The following KLHL1 variants were observed in gnomAD, a reference collection of about 807,000 sequenced individuals.
KLHL1 encodes kelch-like protein 1.
Under a neutral mutation model 77.7 loss-of-function variants are expected in KLHL1, and 47 were observed. That is an observed-to-expected ratio of 0.60 (90% CI 0.48 to 0.77). The LOEUF (loss-of-function observed/expected upper bound fraction) is 0.77. KLHL1 is among the 30% of genes least tolerant of loss of function. The probability of loss-of-function intolerance (pLI) is 0.00; values close to 1 mark genes in which losing one functional copy is unlikely to be tolerated. For missense variants in KLHL1, 925 were observed against 910.8 expected (o/e 1.02, Z -0.20); for synonymous variants, 360 against 325.2 (o/e 1.11, Z -1.15).
At chr13:70,021,729 TTCACATCAAGTG>T (rs1412865879) in intron 1 of KLHL1, among the ~76,000 whole-genome samples, 1 of 152,116 alleles carries the variant, frequency 6.6e-6, no homozygotes, top group Non-Finnish European at 1.5e-5. Flanking sequence ...CCAAAGACTC[TTCACATCAAGTG>T]AAGCACCTTT....
chr13:69,949,293 A>C lies in KLHL1; in HGVS notation c.818-9057T>G, dbSNP rs1883629392. Among the ~76,000 whole-genome samples, 4 of 148,832 alleles carry C rather than the reference A, an allele frequency of 2.7e-5. No homozygotes were observed. In the South Asian group the frequency reaches 8.6e-4, roughly 32 times the overall value. ...TTTACTCATTCTGTCTCTTTAGGCA[A>C]CTCTAGGCTGCGGAAGTTTTCAGAC... On this transcript the variant is annotated intron_variant, in intron 3 of 10. Coordinates refer to ENST00000377844, the MANE Select transcript of KLHL1 (RefSeq NM_020866.3).
At chr13:69,884,197 G>C (rs2138198031) in intron 4 of KLHL1, among the ~76,000 whole-genome samples, 1 of 151,854 alleles carries the variant, frequency 6.6e-6, no homozygotes, top group East Asian at 1.9e-4. Flanking sequence ...TTTCTTTCAG[G>C]GCATCTGTCA....
chr13:69,756,203 A>C (rs1045691324), intron 7 of KLHL1, among the ~76,000 whole-genome samples: 1 of 152,126 alleles, frequency 6.6e-6, no homozygotes, highest in Non-Finnish European at 1.5e-5. Flanking sequence ...CCAAGACCAT[A>C]ATATCTACAT....
At chr13:70,022,150 T>G (rs1053831368) in intron 1 of KLHL1, among the ~76,000 whole-genome samples, 1 of 151,926 alleles carries the variant, frequency 6.6e-6, no homozygotes, top group African/African-American at 2.4e-5. Flanking sequence ...CTATCAATTT[T>G]GGGGGAGGGT....
intron 3 of KLHL1, among the ~76,000 whole-genome samples, chr13:69,958,238 A>AAATAATAATAAT (rs75990668): frequency 1.9e-4 from 28 of 150,266 alleles, no homozygotes; most frequent in African/African-American, 6.6e-4. Flanking sequence ...ACCAGTTACC[A>AAATAATAATAAT]AATAATAATA....
At chr13:69,720,828 G>A (rs1171015675) in intron 8 of KLHL1, among the ~76,000 whole-genome samples, 1 of 150,544 alleles carries the variant, frequency 6.6e-6, no homozygotes, top group African/African-American at 2.4e-5. Context: ...GTGGTTCAAG[G>A]TGAATGGCAG....
At chr13:69,849,295 G>T (rs1879593634) in intron 5 of KLHL1, among the ~76,000 whole-genome samples, 1 of 151,414 alleles carries the variant, frequency 6.6e-6, no homozygotes, top group Non-Finnish European at 1.5e-5. Context: ...GTTATTGTTT[G>T]TAAGACATTA....
chr13:70,083,279 A>C (rs1887438888), intron 1 of KLHL1, among the ~76,000 whole-genome samples: 1 of 152,252 alleles, frequency 6.6e-6, no homozygotes, highest in Non-Finnish European at 1.5e-5. Flanking sequence ...GAGTAAAATA[A>C]TCAACAGTAA....
chr13:69,942,438 C>T (rs150528030), intron 3 of KLHL1, among the ~76,000 whole-genome samples: 1,565 of 150,556 alleles, frequency 0.01, 26 homozygotes, highest in African/African-American at 0.036. Context: ...ATGTTACTAC[C>T]ATTTTCTCTT....
chr13:70,039,233 T>G (rs963372953), intron 1 of KLHL1, among the ~76,000 whole-genome samples: 2 of 150,392 alleles, frequency 1.3e-5, no homozygotes, highest in African/African-American at 2.4e-5. Context: ...CATGCCCAGC[T>G]AATTTTTTGT....
At chr13:70,005,843 A>T (rs995258095) in intron 1 of KLHL1, among the ~76,000 whole-genome samples, 1 of 152,032 alleles carries the variant, frequency 6.6e-6, no homozygotes, top group Non-Finnish European at 1.5e-5. Context: ...TAGTAAAAAT[A>T]AGAAAAATCA....
At chr13:70,056,530 T>C (rs1035752556) in intron 1 of KLHL1, among the ~76,000 whole-genome samples, 2 of 152,150 alleles carry the variant, frequency 1.3e-5, no homozygotes, top group African/African-American at 2.4e-5. Flanking sequence ...ACACATTCTT[T>C]TCCTTAGCTC....
chr13:69,825,114 ATTGT>A (rs1047114462), intron 6 of KLHL1, among the ~76,000 whole-genome samples: 2 of 152,122 alleles, frequency 1.3e-5, no homozygotes, highest in African/African-American at 2.4e-5. Context: ...TAACTGTATG[ATTGT>A]TTCTCACTTT....
At chr13:69,993,852 A>T (rs956929919) in intron 1 of KLHL1, among the ~76,000 whole-genome samples, 2 of 152,150 alleles carry the variant, frequency 1.3e-5, no homozygotes, top group East Asian at 3.9e-4. Flanking sequence ...ACCCCAAGAT[A>T]CTGGCATCAG....
intron 1 of KLHL1, among the ~76,000 whole-genome samples, chr13:70,024,138 G>A (rs1426780389): frequency 6.6e-6 from 1 of 151,762 alleles, no homozygotes; most frequent in Non-Finnish European, 1.5e-5. Context: ...GACGATTGTT[G>A]ATATGTTTTA....
At chr13:70,044,458 A>T (rs1383195237) in intron 1 of KLHL1, among the ~76,000 whole-genome samples, 2 of 152,178 alleles carry the variant, frequency 1.3e-5, no homozygotes, top group African/African-American at 4.8e-5. Context: ...TACTATTTGT[A>T]TTTAATTATT....
At chr13:69,926,583 T>A (rs1016158121) in intron 4 of KLHL1, among the ~76,000 whole-genome samples, 1 of 151,992 alleles carries the variant, frequency 6.6e-6, no homozygotes, top group Non-Finnish European at 1.5e-5. Context: ...TTTGCAGAAA[T>A]TGGCAAGATA....
chr13:70,100,577 C>G (rs1887902051), intron 1 of KLHL1, among the ~76,000 whole-genome samples: 2 of 152,184 alleles, frequency 1.3e-5, no homozygotes, highest in African/African-American at 2.4e-5. Flanking sequence ...TCACGATCCA[C>G]CAACCTTGGC....
At chr13:69,789,840 T>C (rs571817481) in intron 7 of KLHL1, among the ~76,000 whole-genome samples, 1 of 152,140 alleles carries the variant, frequency 6.6e-6, no homozygotes, top group East Asian at 1.9e-4. Flanking sequence ...AGATTTTGTT[T>C]TGTATTTGTT....
Sources: allele counts gnomAD v4.1 joint callset (sites outside exome capture counted in the v4.1 genomes callset), GRCh38; gene constraint gnomAD v4.1.1; transcripts MANE v1.5; gene names NCBI Gene and HGNC (gene_info 2026-07-23, HGNC 2026-07-21).